The following ETV4 variants were observed in gnomAD, a reference collection of about 807,000 sequenced individuals.
The protein encoded by ETV4 is ETS variant transcription factor 4, also known as ETS translocation variant 4.
ETV4 carries 42 observed loss-of-function variants against 65.9 expected under a neutral mutation model. The observed-to-expected ratio is 0.64, with a 90% confidence interval of 0.50 to 0.82. ETV4 has a LOEUF of 0.82. ETV4 is among the 40% of genes least tolerant of loss of function. The probability of loss-of-function intolerance (pLI) is 0.00; values close to 1 mark genes in which losing one functional copy is unlikely to be tolerated. For synonymous variants in ETV4, 238 were observed against 260.0 expected (o/e 0.92, Z 0.81); for missense variants, 583 against 630.3 (o/e 0.92, Z 0.80).
At chr17:43,542,949 A>G (rs903310450) in intron 4 of ETV4, among the ~76,000 whole-genome samples, 2 of 152,116 alleles carry the variant, frequency 1.3e-5, no homozygotes, top group Admixed American at 6.5e-5. Flanking sequence ...AAAGCTCCCC[A>G]TGGGTTGCCG....
At chr17:43,539,169 G>A (rs909367114) in intron 4 of ETV4, among the ~76,000 whole-genome samples, 1 of 152,090 alleles carries the variant, frequency 6.6e-6, no homozygotes, top group African/African-American at 2.4e-5. Context: ...GCTTGCCCTT[G>A]GCCTCCAAGG....
At chr17:43,545,459 C>T in intron 2 of ETV4, 92 bp from the exon 3 acceptor site, 3 of 1,445,544 alleles carry the variant, frequency 2.1e-6, no homozygotes, top group Non-Finnish European at 1.9e-6. Flanking sequence ...AGGGGCGGGG[C>T]AGCCCAGGAC....
At position 43,529,879 on chromosome 17, in the gene ETV4, C is replaced by T; in HGVS notation, c.955+5G>A. The T allele has an allele frequency of 3.1e-6, 5 of 1,614,164 alleles. No homozygotes were observed. The highest frequency in any genetic ancestry group is 4.2e-6 in the Non-Finnish European group (5 of 1,180,022). On this transcript the variant is annotated splice_donor_5th_base_variant and intron_variant, in intron 10 of 12. Transcript: ENST00000319349. ...GACCCTCCCATCAACAGTCACTTCT[C>T]TGACCTTCAAATTTCTCAGGGACAA...
At chr17:43,540,070 C>T (rs985696534) in intron 4 of ETV4, among the ~76,000 whole-genome samples, 1 of 152,132 alleles carries the variant, frequency 6.6e-6, no homozygotes, top group Non-Finnish European at 1.5e-5. Flanking sequence ...AACACACAGC[C>T]AGCACACATC....
intron 4 of ETV4, 47 bp downstream of exon 4, chr17:43,544,928 C>T: frequency 6.4e-7 from 1 of 1,564,008 alleles, no homozygotes; most frequent in Non-Finnish European, 8.8e-7. Flanking sequence ...TACGGAGTGT[C>T]CCCCTGTCCA....
intron 4 of ETV4, among the ~76,000 whole-genome samples, chr17:43,540,418 A>C (rs1450029413): frequency 6.6e-6 from 1 of 152,170 alleles, no homozygotes. Flanking sequence ...GCACCAATGC[A>C]CTCCAGCCTG....
intron 8 of ETV4, 27 bp from the exon 9 acceptor site, chr17:43,530,208 G>A: frequency 6.4e-7 from 1 of 1,552,644 alleles, no homozygotes; most frequent in Non-Finnish European, 8.7e-7. Context: ...GGTGATGTGA[G>A]AAGTGGCTTG....
intron 4 of ETV4, among the ~76,000 whole-genome samples, chr17:43,538,284 C>T (rs1162534725): frequency 1.3e-5 from 2 of 151,836 alleles, no homozygotes; most frequent in South Asian, 2.1e-4. Flanking sequence ...TCCAGCCTGG[C>T]GACAGAGCAA....
At chr17:43,528,864 C>T (rs993424169) in intron 12 of ETV4, 121 bp from the exon 13 acceptor site, 16 of 782,188 alleles carry the variant, frequency 2.0e-5, no homozygotes, top group Non-Finnish European at 2.9e-5. Flanking sequence ...GGGCATTTCT[C>T]TCCCATGCTG....
chr17:43,530,093 G>A lies in ETV4; in HGVS notation c.886+14C>T, dbSNP rs776031033. The A allele has an allele frequency of 6.2e-5, 100 of 1,604,080 alleles. 1 individual carries two copies. The South Asian group carries it at 9.5e-4, about 15-fold the overall frequency. The stretch of plus-strand genomic sequence containing the variant: ...AACATGGAGGGCTTGGCAGGGGAAG[G>A]GGGGCTGCCTTACCCATGGCCCCGT... On this transcript the variant is annotated intron_variant, in intron 9 of 12. Coordinates refer to ENST00000319349, the MANE Select transcript of ETV4 (RefSeq NM_001079675.5).
At position 43,528,216 on chromosome 17, in the gene ETV4, C is replaced by T. The variant is rs1224182050; in HGVS notation, c.*303G>A. On this transcript the variant is annotated 3_prime_UTR_variant, in exon 13 of 13. Transcript: ENST00000319349. ...CCCCAGAACAGAACAAACTCTTGTT[C>T]TCTGTGGTTGGGGAAAAGGTGTGGG... is the stretch of plus-strand genomic sequence containing the variant. 1 of 326,838 alleles carries T rather than the reference C, an allele frequency of 3.1e-6. No individual in the cohort carries two copies. Among genetic ancestry groups the T allele is most frequent in the East Asian group, 4.6e-5 (1 of 21,624 alleles). The allele number at this position is 326,838 out of a possible 1,614,324, so 20.2% of individuals were successfully genotyped here.
intron 1 of ETV4, chr17:43,545,980 T>TGTGTGTGC (rs60044617): frequency 4.4e-6 from 1 of 226,486 alleles, no homozygotes; most frequent in Non-Finnish European, 8.0e-6. Context: ...TGTGTGTGTG[T>TGTGTGTGC]ACGCGCGCGC....
rs1182601953 is a variant in ETV4, at chr17:43,528,693, G to C, written c.1281C>G (p.Leu427=). 1 of 1,614,184 alleles carries C rather than the reference G, an allele frequency of 6.2e-7. No homozygotes were observed. The highest frequency in any genetic ancestry group is 1.1e-5 in the South Asian group (1 of 91,082). Residue 427 remains leucine (L), a synonymous_variant, in exon 13 of 13, where the codon CTC becomes CTG. Coordinates refer to ENST00000319349, the MANE Select transcript of ETV4 (RefSeq NM_001079675.5). ...GATTGTCCGGGAAGGCCAAAGAGAA[G>C]AGGGCCTCGGGCTCACACACAAACT... is the stretch of plus-strand genomic sequence containing the variant. ...VYKFVCEPEA[L]FSLAFPDNQR... is the part of the protein sequence containing the mutation.
intron 4 of ETV4, among the ~76,000 whole-genome samples, chr17:43,541,269 G>A (rs1014292759): frequency 1.3e-5 from 2 of 152,150 alleles, no homozygotes; most frequent in South Asian, 2.1e-4. Context: ...ACTGAGCCTC[G>A]CGTTCCTGGA....
At chr17:43,529,289 T>TG in intron 11 of ETV4, 53 bp from the exon 12 acceptor site, 1 of 1,570,946 alleles carries the variant, frequency 6.4e-7, no homozygotes. Context: ...GAGGAAAAAA[T>TG]GGGGGTAAGG....
At chr17:43,537,145 C>T (rs1971284129) in intron 4 of ETV4, among the ~76,000 whole-genome samples, 1 of 152,162 alleles carries the variant, frequency 6.6e-6, no homozygotes, top group African/African-American at 2.4e-5. Flanking sequence ...GCGGGTGGAT[C>T]ACCTGAGGTC....
At chr17:43,538,140 CAAAAAAAA>C (rs34924870) in intron 4 of ETV4, among the ~76,000 whole-genome samples, 92 of 110,738 alleles carry the variant, frequency 8.3e-4, no homozygotes, top group African/African-American at 2.7e-3. Flanking sequence ...GACTCCATTT[CAAAAAAAA>C]AAAAAAAAAA....
At chr17:43,543,555 G>A (rs1040468525) in intron 4 of ETV4, among the ~76,000 whole-genome samples, 2 of 152,178 alleles carry the variant, frequency 1.3e-5, no homozygotes, top group Non-Finnish European at 2.9e-5. Context: ...GTGAGCCAGA[G>A]AGAAATCAGG....
At chr17:43,534,424 G>A (rs1165867548) in intron 5 of ETV4, among the ~76,000 whole-genome samples, 9 of 152,172 alleles carry the variant, frequency 5.9e-5, no homozygotes, top group Non-Finnish European at 1.2e-4. Flanking sequence ...AACCCAGGAG[G>A]CGGGGATTGC....
Sources: gnomAD v4.1 joint callset for allele counts (sites outside exome capture counted in the v4.1 genomes callset) on GRCh38, gnomAD v4.1.1 for gene constraint, MANE v1.5 for transcripts, NCBI Gene and HGNC (gene_info 2026-07-23, HGNC 2026-07-21) for gene names.